The following TSPAN16 variants were observed in gnomAD, a reference collection of about 807,000 sequenced individuals.
TSPAN16 encodes tetraspanin 16, also known as tetraspanin-16.
Under a neutral mutation model 25.2 loss-of-function variants are expected in TSPAN16, and 23 were observed. The observed-to-expected ratio is 0.91, with a 90% CI of 0.66 to 1.29. The LOEUF (loss-of-function observed/expected upper bound fraction) is 1.29. TSPAN16 is among the 50% of genes most tolerant of loss of function. The probability of loss-of-function intolerance (pLI) is 0.00; values close to 1 mark genes in which losing one functional copy is unlikely to be tolerated. For synonymous variants in TSPAN16, 123 were observed against 124.4 expected, an observed-to-expected ratio of 0.99 and a Z score of 0.08; for missense variants, 272 against 299.9, an observed-to-expected ratio of 0.91 and a Z score of 0.69.
At chr19:11,318,268 G>GC (rs916086029), downstream of TSPAN16, among the ~76,000 whole-genome samples, 20 of 151,884 alleles carry the variant, frequency 1.3e-4, no homozygotes, top group African/African-American at 3.4e-4. Flanking sequence ...CTCGTGATCC[G>GC]CCCCCCTAGG....
chr19:11,311,023 G>T lies in TSPAN16; in HGVS notation c.604-1116G>T, dbSNP rs577565445. ...GGCTAATTTTTTTATTTTTTGTAGA[G>T]ACGGGGTTTCGCTACGTTGTCCAGG... is the stretch of plus-strand genomic sequence containing the variant. On this transcript the variant is annotated intron_variant, in intron 5 of 6. Transcript: ENST00000590327. 2.6e-5 allele frequency among the ~76,000 whole-genome samples: 4 copies of T among 152,154 alleles called. No individual in the cohort carries two copies. The South Asian group carries it at 8.3e-4, about 32-fold the overall frequency.
intron 6 of TSPAN16, chr19:11,325,505 C>T (rs753456019): frequency 8.7e-6 from 14 of 1,613,494 alleles, no homozygotes; most frequent in Admixed American, 5.0e-5. Context: ...TTCATCTTCT[C>T]GCAGATGACA....
downstream of TSPAN16, among the ~76,000 whole-genome samples, chr19:11,319,307 G>C (rs1230410156): frequency 7.2e-5 from 11 of 152,284 alleles, no homozygotes; most frequent in Non-Finnish European, 2.9e-5. Flanking sequence ...TATTATAAAG[G>C]AGACAACTCA....
At chr19:11,308,664 G>C (rs966966147) in intron 5 of TSPAN16, among the ~76,000 whole-genome samples, 21 of 152,038 alleles carry the variant, frequency 1.4e-4, no homozygotes, top group Admixed American at 7.2e-4. Flanking sequence ...TAGTAGAGAC[G>C]GGGTTTCACC....
chr19:11,301,379 C>T (rs1462816437), intron 4 of TSPAN16, 71 bp downstream of exon 4: 3 of 1,179,000 alleles, frequency 2.5e-6, no homozygotes, highest in Non-Finnish European at 3.8e-6. Flanking sequence ...GTGGCTCACA[C>T]CTGTAATCCC....
intron 6 of TSPAN16, among the ~76,000 whole-genome samples, chr19:11,313,267 A>T (rs1480295459): frequency 6.6e-6 from 1 of 152,074 alleles, no homozygotes; most frequent in Non-Finnish European, 1.5e-5. Context: ...TAATCCCAGA[A>T]TTTTGGGAGG....
intron 6 of TSPAN16, among the ~76,000 whole-genome samples, chr19:11,314,349 A>G (rs1355789181): frequency 6.6e-6 from 1 of 152,208 alleles, no homozygotes; most frequent in African/African-American, 2.4e-5. Flanking sequence ...TCTATCAATT[A>G]TATCTCAATG....
downstream of TSPAN16, among the ~76,000 whole-genome samples, chr19:11,320,162 T>A: frequency 6.9e-6 from 1 of 145,184 alleles, no homozygotes; most frequent in East Asian, 2.0e-4. Context: ...TCTCTTGTCA[T>A]CCAGGCTGGA....
In TSPAN16 at chr19:11,306,729, T is replaced by C. The variant is rs767432657; in HGVS notation, c.576T>C (p.Asp192=). 2.5e-6 allele frequency: 4 copies of C among 1,614,114 alleles called. No homozygotes were observed. Among genetic ancestry groups the C allele is most frequent in the South Asian group, 2.2e-5 (2 of 91,072 alleles). ...GAAGTGTGTCCTGTGACGGACGCGA[T>C]GTGTCTCCAAACGTCATCCACCAGA... ...SIGSVSCDGR[D]VSPNVIHQKG... is the part of the protein sequence containing the mutation. Residue 192 remains aspartate, a synonymous_variant, in exon 5 of 7, where the codon GAT becomes GAC. Transcript: ENST00000590327.
rs75395638 is a variant in TSPAN16 at position 11,305,947 on chromosome 19, G to A, written c.451-657G>A. ...GCAAGAAACCAATAACTAAACATTG[G>A]TATCAGGTTCATAACTGCTGTGAAT... On this transcript the variant is annotated intron_variant, in intron 4 of 6. Coordinates refer to ENST00000590327, the MANE Select transcript of TSPAN16 (RefSeq NM_001282509.2). Among the ~76,000 whole-genome samples, 371 of 152,090 alleles carry A rather than the reference G, an allele frequency of 2.4e-3. 2 individuals are homozygous for A. The highest frequency in any genetic ancestry group is 8.5e-3 in the African/African-American group (355 of 41,522).
downstream of TSPAN16, among the ~76,000 whole-genome samples, chr19:11,316,992 A>G (rs1191830472): frequency 6.6e-6 from 1 of 151,178 alleles, no homozygotes; most frequent in African/African-American, 2.4e-5. Flanking sequence ...TTGTATTGTT[A>G]GTAGACATGG....
chr19:11,310,366 T>G (rs2080677173), intron 5 of TSPAN16, among the ~76,000 whole-genome samples: 2 of 151,240 alleles, frequency 1.3e-5, no homozygotes, highest in Non-Finnish European at 3.0e-5. Context: ...AATACAAAAA[T>G]TAGCCGGGCG....
At chr19:11,326,208 C>G (rs970930906) in intron 6 of TSPAN16, among the ~76,000 whole-genome samples, 6 of 147,976 alleles carry the variant, frequency 4.1e-5, no homozygotes, top group African/African-American at 1.6e-4. Flanking sequence ...GGCAACAGAG[C>G]GAGATTCTAT....
At position 11,298,229 on chromosome 19, in the gene TSPAN16, T is replaced by G. The variant is rs34162761; in HGVS notation, c.157T>G (p.Tyr53Asp). The G allele has an allele frequency of 8.9e-3, 14,301 of 1,614,138 alleles. 1,024 individuals carry two copies. In the African/African-American group the frequency reaches 0.16, roughly 18 times the overall value. The change falls in exon 2 of 7, where the codon TAC becomes GAC. Residue 53 changes from tyrosine to aspartate, a missense_variant. By Grantham distance (160) the Tyr-to-Asp change is radical. Coordinates refer to ENST00000590327, the MANE Select transcript of TSPAN16 (RefSeq NM_001282509.2). ...GAATGTCCTCGGGCTGTCCTCCGCA[T>G]ACCTCCTTCACGTTGGCAACCTGTG... ...LTNVLGLSSA[Y>D]LLHVGNLCLV...
At chr19:11,311,334 C>T (rs1280044854) in intron 5 of TSPAN16, among the ~76,000 whole-genome samples, 2 of 152,222 alleles carry the variant, frequency 1.3e-5, no homozygotes, top group East Asian at 1.9e-4. Context: ...TGGGGTTTCA[C>T]CATGTTAACC....
intron 6 of TSPAN16, chr19:11,326,701 T>C: frequency 3.0e-6 from 2 of 669,222 alleles, no homozygotes; most frequent in East Asian, 5.5e-5. Context: ...CCTCCTGGGC[T>C]CAAGCGATCC....
intron 4 of TSPAN16, among the ~76,000 whole-genome samples, chr19:11,303,577 T>TAAAAAAAAAAAAAAAAAAAAAA (rs1322861353): frequency 1.3e-5 from 1 of 78,302 alleles, no homozygotes; most frequent in Non-Finnish European, 2.7e-5. Context: ...ATAAATAAAT[T>TAAAAAAAAAAAAAAAAAAAAAA]AAAAAAAAAA....
chr19:11,314,254 T>A (rs937095147), intron 6 of TSPAN16, among the ~76,000 whole-genome samples: 3 of 152,198 alleles, frequency 2.0e-5, no homozygotes, highest in Admixed American at 6.6e-5. Flanking sequence ...AAAATGTTCT[T>A]AAGTTATATA....
rs1041165669 is a variant in TSPAN16 at position 11,303,617 on chromosome 19, C to T, written c.450+2309C>T. On this transcript the variant is annotated intron_variant, in intron 4 of 6. Transcript: ENST00000590327. ...AAAAAACTCCTGGCCTCAAGCGATC[C>T]TCCTAACTCAGCCTCCCAAAGTGCT... Among the ~76,000 whole-genome samples, 5 of 150,106 alleles carry T rather than the reference C, an allele frequency of 3.3e-5. 1 individual carries two copies. Among genetic ancestry groups the T allele is most frequent in the African/African-American group, 7.4e-5 (3 of 40,304 alleles).
Sources: allele counts gnomAD v4.1 joint callset (sites outside exome capture counted in the v4.1 genomes callset), GRCh38; gene constraint gnomAD v4.1.1; transcripts MANE v1.5; gene names NCBI Gene and HGNC (gene_info 2026-07-23, HGNC 2026-07-21).